The following DMXL2 variants were observed in gnomAD, a reference collection of about 807,000 sequenced individuals.
DMXL2 encodes the protein dmX-like protein 2.
DMXL2 carries 103 observed loss-of-function variants against 331.1 expected under a neutral mutation model. The observed-to-expected ratio is 0.31, with a 90% CI of 0.27 to 0.37. The LOEUF is 0.37. Among genes scored for constraint, DMXL2 ranks in the 10% least tolerant of loss-of-function variants. DMXL2 has a pLI of 1.00. For synonymous variants in DMXL2, 1,281 were observed against 1,252.1 expected (o/e 1.02, Z -0.49); for missense variants, 3,171 against 3,642.9 (o/e 0.87, Z 3.33).
chr15:51,482,357 A>G (rs2042077854), intron 23 of DMXL2, among the ~76,000 whole-genome samples: 1 of 152,204 alleles, frequency 6.6e-6, no homozygotes, highest in Admixed American at 6.5e-5. Flanking sequence ...GCACATAGAT[A>G]GCAAATAACT....
intron 6 of DMXL2, among the ~76,000 whole-genome samples, chr15:51,551,917 A>G (rs990178626): frequency 6.6e-6 from 1 of 152,248 alleles, no homozygotes; most frequent in African/African-American, 2.4e-5. Flanking sequence ...GAAAGTATTT[A>G]ATAAGGAGAC....
At chr15:51,552,392 G>A (rs148117396) in intron 6 of DMXL2, among the ~76,000 whole-genome samples, 4 of 152,320 alleles carry the variant, frequency 2.6e-5, no homozygotes, top group African/African-American at 7.2e-5. Context: ...AGTGGCAGTG[G>A]AGGGCAGAGA....
At chr15:51,474,638 C>A (rs1372849967) in intron 27 of DMXL2, 46 bp from the exon 28 acceptor site, 9 of 1,504,740 alleles carry the variant, frequency 6.0e-6, no homozygotes, top group South Asian at 4.0e-5. Flanking sequence ...GGATGAAGCA[C>A]CAGAAGGAAA....
chr15:51,503,101 T>C (rs2043799240), intron 16 of DMXL2, 68 bp from the exon 17 acceptor site: 1 of 1,041,026 alleles, frequency 9.6e-7, no homozygotes. Context: ...GCTAGAATAT[T>C]ACTTTGTTAT....
At position 51,536,229 on chromosome 15, in the gene DMXL2, AAG is replaced by A. The variant is rs755881934; in HGVS notation, c.2249_2250del (p.Ser750PhefsTer8). On this transcript the variant is annotated frameshift_variant, in exon 12 of 44. Coordinates refer to ENST00000560891, the MANE Select transcript of DMXL2 (RefSeq NM_001378457.1). LOFTEE classifies it high-confidence loss of function. ...GGVSELARIN[S>X]LHTSAFSNVA... Reference sequence around the variant, plus strand: ...ACATTAGAGAACGCTGAGGTATGTAAAGAGTTAATTCGAGCCAATTCTGATAC... The same window carrying A: ...ACATTAGAGAACGCTGAGGTATGTAAAGTTAATTCGAGCCAATTCTGATAC... 1 of 1,613,526 alleles carries A rather than the reference AAG, an allele frequency of 6.2e-7. No individual in the cohort carries two copies. The highest frequency in any genetic ancestry group is 8.5e-7 in the Non-Finnish European group (1 of 1,179,744).
intron 1 of DMXL2, among the ~76,000 whole-genome samples, chr15:51,594,422 A>C (rs1435638596): frequency 3.3e-5 from 5 of 152,216 alleles, no homozygotes; most frequent in African/African-American, 4.8e-5. Context: ...GGCAATAATT[A>C]ATAGCTTACC....
At chr15:51,464,529 G>T (rs2040408669) in intron 32 of DMXL2, 146 bp downstream of exon 32, 2 of 609,844 alleles carry the variant, frequency 3.3e-6, no homozygotes, top group Admixed American at 6.6e-5. Flanking sequence ...TCAAATTTCT[G>T]ATATTTTTCT....
intron 13 of DMXL2, among the ~76,000 whole-genome samples, chr15:51,522,684 G>A (rs890357946): frequency 6.6e-6 from 1 of 151,978 alleles, no homozygotes; most frequent in African/African-American, 2.4e-5. Flanking sequence ...AAACAAACAA[G>A]CCAAACTTAG....
intron 13 of DMXL2, among the ~76,000 whole-genome samples, chr15:51,529,764 G>GT (rs1230789675): frequency 2.0e-5 from 3 of 152,018 alleles, no homozygotes; most frequent in African/African-American, 7.2e-5. Context: ...CTATGAGGCC[G>GT]TATTACCTTG....
intron 32 of DMXL2, 73 bp downstream of exon 32, chr15:51,464,602 G>C: frequency 8.0e-7 from 1 of 1,253,906 alleles, no homozygotes; most frequent in Non-Finnish European, 1.1e-6. Flanking sequence ...AAAGTATATT[G>C]GCATATTTAG....
At chr15:51,519,172 CT>C (rs1442419463) in intron 13 of DMXL2, among the ~76,000 whole-genome samples, 1 of 151,714 alleles carries the variant, frequency 6.6e-6, no homozygotes, top group Non-Finnish European at 1.5e-5. Context: ...TTCTTCTTTT[CT>C]TTTTTCAGGG....
At position 51,480,813 on chromosome 15, in the gene DMXL2, G is replaced by T; in HGVS notation, c.6293C>A (p.Ser2098Tyr). 6.2e-7 allele frequency: 1 copy of T among 1,611,140 alleles called. No individual in the cohort carries two copies. The highest frequency in any genetic ancestry group is 1.1e-5 in the South Asian group (1 of 90,556). ...CNHESVIKEYSSKTYSKVESD... is the reference protein window; with the variant it reads ...CNHESVIKEYYSKTYSKVESD... ...CTCTACTTTGGAATATGTCTTACTG[G>T]AATACTCTTTAATAACTGATTCATG... is the stretch of plus-strand genomic sequence containing the variant. The change falls in exon 24 of 44, where the codon TCC becomes TAC. Residue 2098 changes from serine (S) to tyrosine (Y), a missense_variant. Ser to Tyr is a moderately radical substitution (Grantham distance 144). This residue lies in a region of DMXL2 where 197 missense variants were observed against 196.2 expected (regional missense o/e 1.00). Transcript: ENST00000560891.
chr15:51,480,267 T>A, intron 24 of DMXL2, 128 bp from the exon 25 acceptor site: 1 of 981,392 alleles, frequency 1.0e-6, no homozygotes, highest in South Asian at 2.0e-5. Context: ...CACAAATTTA[T>A]TGAGCACCCA....
At chr15:51,591,984 C>G (rs2052385857) in intron 1 of DMXL2, among the ~76,000 whole-genome samples, 2 of 152,144 alleles carry the variant, frequency 1.3e-5, no homozygotes, top group Non-Finnish European at 2.9e-5. Flanking sequence ...AGCAGAAAAA[C>G]TGGAAACTCT....
rs1566986183 is a variant in DMXL2 at position 51,464,729 on chromosome 15, C to G, written c.7754G>C (p.Gly2585Ala). The change falls in exon 32 of 44, where the codon GGA becomes GCA. Residue 2585 changes from glycine to alanine, a missense_variant. Physicochemically the swap from Gly to Ala is moderately conservative, Grantham distance 60 (BLOSUM62 0). Around this residue, in one of 7 missense-constraint regions of DMXL2, gnomAD observed 766 missense variants for 940.5 expected, o/e 0.81. Coordinates refer to ENST00000560891, the MANE Select transcript of DMXL2 (RefSeq NM_001378457.1). ...TYPTDLSVGAGPAILRNKAML... is the reference protein window; with the variant it reads ...TYPTDLSVGAAPAILRNKAML... ...TGCTTTATTTCGAAGAATAGCTGGT[C>G]CAGCTCCCACTGAAAGGTCAGTTGG... 6.2e-7 allele frequency: 1 copy of G among 1,613,914 alleles called. No individual in the cohort carries two copies. Among genetic ancestry groups the G allele is most frequent in the Non-Finnish European group, 8.5e-7 (1 of 1,180,004 alleles).
intron 13 of DMXL2, among the ~76,000 whole-genome samples, chr15:51,520,482 A>G (rs2047292208): frequency 1.3e-5 from 2 of 152,166 alleles, no homozygotes; most frequent in Admixed American, 6.5e-5. Flanking sequence ...AAGACCCTGG[A>G]GTATGGGCTT....
At chr15:51,512,763 C>G (rs1412348532) in intron 15 of DMXL2, among the ~76,000 whole-genome samples, 1 of 149,968 alleles carries the variant, frequency 6.7e-6, no homozygotes, top group Admixed American at 6.7e-5. Context: ...TTACAGTAAG[C>G]TGAGATGACG....
At chr15:51,537,020 A>G (rs996691721) in intron 11 of DMXL2, among the ~76,000 whole-genome samples, 158 bp from the exon 12 acceptor site, 1 of 152,172 alleles carries the variant, frequency 6.6e-6, no homozygotes, top group Admixed American at 6.5e-5. Flanking sequence ...GTAATACCAT[A>G]TCTCTATTCA....
intron 25 of DMXL2, among the ~76,000 whole-genome samples, chr15:51,479,573 G>A (rs938563796): frequency 6.6e-6 from 1 of 152,170 alleles, no homozygotes; most frequent in Non-Finnish European, 1.5e-5. Flanking sequence ...GACCAGTCAT[G>A]CTTCCCTCCC....
Sources: allele counts gnomAD v4.1 joint callset (sites outside exome capture counted in the v4.1 genomes callset), GRCh38; gene constraint gnomAD v4.1.1; regional missense constraint gnomAD v4.1.1; transcripts MANE v1.5; gene names NCBI Gene and HGNC (gene_info 2026-07-23, HGNC 2026-07-21).